Variants in BPNT1 observed in about 807,000 individuals in gnomAD.
BPNT1 encodes 3'(2'), 5'-bisphosphate nucleotidase 1.
Under a neutral mutation model 36.9 loss-of-function variants are expected in BPNT1, and 28 were observed. That is an observed-to-expected ratio of 0.76 (90% CI 0.56 to 1.04). The LOEUF is 1.04. Among genes scored for constraint, BPNT1 ranks in the 50% least tolerant of loss-of-function variants. The probability of loss-of-function intolerance (pLI) is 0.00; values close to 1 mark genes in which losing one functional copy is unlikely to be tolerated. For synonymous variants in BPNT1, 119 were observed against 130.9 expected (o/e 0.91, Z 0.62); for missense variants, 313 against 372.9 (o/e 0.84, Z 1.32).
At chr1:220,071,365 C>G (rs1180005540) in intron 4 of BPNT1, among the ~76,000 whole-genome samples, 1 of 152,162 alleles carries the variant, frequency 6.6e-6, no homozygotes, top group South Asian at 2.1e-4. Context: ...TATAAGGTAG[C>G]AACCTGTTTC....
chr1:220,073,490 C>T (rs1302516955), intron 3 of BPNT1, among the ~76,000 whole-genome samples: 1 of 152,072 alleles, frequency 6.6e-6, no homozygotes, highest in Non-Finnish European at 1.5e-5. Context: ...GGTTCAGTTT[C>T]ACCATGTTGG....
rs554622664 is a variant in BPNT1 at position 220,058,176 on chromosome 1, A to T, written c.*668T>A. On this transcript the variant is annotated 3_prime_UTR_variant, in exon 9 of 9. Transcript: ENST00000322067. ...AGGCTACAGAGCGAGACTCCGTCTC[A>T]GGAAAAAAAAAGAGAAATCTGGTTT... is the stretch of plus-strand genomic sequence containing the variant. 15 of 992,702 alleles carry T rather than the reference A, an allele frequency of 1.5e-5. No homozygotes were observed. The highest frequency in any genetic ancestry group is 1.8e-5 in the Non-Finnish European group (15 of 831,564). 61.5% of individuals were successfully genotyped at this position (992,702 alleles called of 1,614,324 possible). A position where few individuals can be genotyped will look rare whatever the true frequency, so the allele number is the denominator to read the frequency against.
chr1:220,078,543 T>TATTTATA (rs1553261911), intron 2 of BPNT1, among the ~76,000 whole-genome samples: 1 of 139,382 alleles, frequency 7.2e-6, no homozygotes, highest in Non-Finnish European at 1.5e-5. Context: ...ATTATATATA[T>TATTTATA]TATAATTATA....
chr1:220,066,005 G>T, intron 6 of BPNT1: 1 of 1,209,472 alleles, frequency 8.3e-7, no homozygotes, highest in South Asian at 1.5e-5. Context: ...TGACCACCTG[G>T]GGTACCACAA....
chr1:220,065,544 T>C (rs1269913164), intron 6 of BPNT1, among the ~76,000 whole-genome samples: 1 of 152,188 alleles, frequency 6.6e-6, no homozygotes, highest in Non-Finnish European at 1.5e-5. Flanking sequence ...TTTCTCTGGC[T>C]CAGGAGGGCA....
chr1:220,058,726 A>T lies in BPNT1; in HGVS notation c.*118T>A. On this transcript the variant is annotated 3_prime_UTR_variant, in exon 9 of 9. Coordinates refer to ENST00000322067, the MANE Select transcript of BPNT1 (RefSeq NM_006085.6). ...TGTATTTTTGTAGAGATGGGGTCTCACGATATTGCCCAGGCTGGTCTCAAA... is the reference window on the plus strand; with the variant it reads ...TGTATTTTTGTAGAGATGGGGTCTCTCGATATTGCCCAGGCTGGTCTCAAA... 1.9e-6 allele frequency: 2 copies of T among 1,038,814 alleles called. No individual in the cohort carries two copies. Among genetic ancestry groups the T allele is most frequent in the South Asian group, 3.0e-5 (2 of 67,414 alleles). The allele number at this position is 1,038,814 out of a possible 1,614,324, so 64.3% of individuals were successfully genotyped here. A position where few individuals can be genotyped will look rare whatever the true frequency, so the allele number is the denominator to read the frequency against.
chr1:220,081,372 G>A (rs1357002825), intron 1 of BPNT1, among the ~76,000 whole-genome samples: 3 of 151,980 alleles, frequency 2.0e-5, no homozygotes, highest in South Asian at 2.1e-4. Context: ...GTGAAACCTC[G>A]TCTCTACTAA....
Position 220,058,980 on chromosome 1 carries a change from TCG to T in BPNT1, c.789_790del (p.Asp264TyrfsTer28), listed in dbSNP as rs1662762606. The T allele has an allele frequency of 1.9e-6, 3 of 1,613,536 alleles. No individual in the cohort carries two copies. The highest frequency in any genetic ancestry group is 2.5e-6 in the Non-Finnish European group (3 of 1,179,726). On this transcript the variant is annotated frameshift_variant, in exon 9 of 9. Transcript: ENST00000322067. LOFTEE classifies it high-confidence loss of function. ...GTACTGAAGAACATTCCCATGGATATCGGTTAACTTGCCTATAGAAAAACATC... is the reference window on the plus strand; with the variant it reads ...GTACTGAAGAACATTCCCATGGATATGTTAACTTGCCTATAGAAAAACATC...
chr1:220,079,683 A>T, intron 2 of BPNT1, 44 bp downstream of exon 2: 1 of 1,611,258 alleles, frequency 6.2e-7, no homozygotes, highest in Non-Finnish European at 8.5e-7. Flanking sequence ...AAACCTCAAG[A>T]ACAAAAATCA....
In BPNT1 at chr1:220,066,051, A is replaced by G. The variant is rs540199825; in HGVS notation, c.474+1251T>C. On this transcript the variant is annotated intron_variant, in intron 6 of 8. Coordinates refer to ENST00000322067, the MANE Select transcript of BPNT1 (RefSeq NM_006085.6). Reference sequence around the variant, plus strand: ...TCTTTTCTACCTACTAGTGGAGCCAAAACCCTAGCTATTTTTCTCACCTTT... The same window carrying G: ...TCTTTTCTACCTACTAGTGGAGCCAGAACCCTAGCTATTTTTCTCACCTTT... 131 of 1,513,030 alleles carry G rather than the reference A, an allele frequency of 8.7e-5. No individual in the cohort carries two copies. The African/African-American group carries it at 1.6e-3, about 19-fold the overall frequency. The allele number at this position is 1,513,030 out of a possible 1,614,324, so 93.7% of individuals were successfully genotyped here. A position where few individuals can be genotyped will look rare whatever the true frequency, so the allele number is the denominator to read the frequency against.
chr1:220,059,486 C>T (rs958885274), intron 8 of BPNT1, among the ~76,000 whole-genome samples, 200 bp downstream of exon 8: 6 of 151,370 alleles, frequency 4.0e-5, no homozygotes, highest in Admixed American at 1.3e-4. Flanking sequence ...AAAAAAGAGA[C>T]GATAACTAAA....
chr1:220,079,009 A>C (rs1033466762), intron 2 of BPNT1, among the ~76,000 whole-genome samples: 1 of 152,164 alleles, frequency 6.6e-6, no homozygotes, highest in Non-Finnish European at 1.5e-5. Context: ...TACTGGGAAA[A>C]ACACGCTTGC....
chr1:220,067,655 T>C (rs2577152), intron 5 of BPNT1, among the ~76,000 whole-genome samples: 23,006 of 152,192 alleles, frequency 0.15, 1,893 homozygotes, highest in African/African-American at 0.2. Flanking sequence ...AGCCATAATT[T>C]TGCAGCCATC....
chr1:220,064,746 C>T (rs1229223393), intron 6 of BPNT1, among the ~76,000 whole-genome samples: 1 of 152,170 alleles, frequency 6.6e-6, no homozygotes, highest in Non-Finnish European at 1.5e-5. Flanking sequence ...AATGTGCTTC[C>T]TCTGTTCCCA....
chr1:220,062,662 A>G, intron 7 of BPNT1, 95 bp downstream of exon 7: 1 of 1,351,724 alleles, frequency 7.4e-7, no homozygotes, highest in Admixed American at 1.8e-5. Flanking sequence ...TATACCCAGT[A>G]ATGGGATGGC....
At chr1:220,079,882 G>A (rs1168585918) in intron 1 of BPNT1, 28 bp from the exon 2 acceptor site, 2 of 1,597,908 alleles carry the variant, frequency 1.3e-6, no homozygotes, top group African/African-American at 1.3e-5. Flanking sequence ...AAAATGTCTT[G>A]TTAGTTTCAA....
Position 220,072,933 on chromosome 1 carries a change from G to A in BPNT1, c.250C>T (p.Gln84Ter). Residue 84 changes from glutamine (Q) to a stop codon, truncating the protein, a stop_gained, in exon 4 of 9, where the codon CAA becomes TAA. Transcript: ENST00000322067. LOFTEE classifies it high-confidence loss of function. ...EEDLPSEEVDQELIEDSQWEE... is the reference protein window; with the variant it reads ...EEDLPSEEVD ...CACTGACTGTCTTCAATCAGCTCTT[G>A]ATCCACTTCCTCAGAAGGCAGATCC... 6.2e-7 allele frequency: 1 copy of A among 1,614,052 alleles called. No individual in the cohort carries two copies. The highest frequency in any genetic ancestry group is 1.1e-5 in the South Asian group (1 of 91,066).
Position 220,085,267 on chromosome 1 carries a change from C to T in BPNT1, c.-9+4419G>A, listed in dbSNP as rs191889332. On this transcript the variant is annotated intron_variant, in intron 1 of 8. Coordinates refer to ENST00000322067, the MANE Select transcript of BPNT1 (RefSeq NM_006085.6). ...AACTTTCTTAAAGCAGTTCAAATAA[C>T]ACCATTGTACTTCTTTCTCTACCAG... Among the ~76,000 whole-genome samples the T allele has an allele frequency of 2.6e-4, 40 of 152,298 alleles. 1 individual carries two copies. Among genetic ancestry groups the T allele is most frequent in the South Asian group, 2.1e-3 (10 of 4,830 alleles).
At position 220,059,776 on chromosome 1, in the gene BPNT1, C is replaced by A. The variant is rs571117694; in HGVS notation, c.688G>T (p.Glu230Ter). The A allele has an allele frequency of 1.9e-6, 3 of 1,601,724 alleles. No individual in the cohort carries two copies. In the South Asian group the frequency reaches 3.4e-5, roughly 18 times the overall value. Residue 230 changes from glutamate (E) to a stop codon, truncating the protein, a stop_gained, in exon 8 of 9, where the codon GAA becomes TAA. Transcript: ENST00000322067. LOFTEE classifies it high-confidence loss of function. ...AATACATAAGCAGAGGCTTTGCCTT[C>A]AATCAGCTGAATAATCTGTAAGGGT... ...GAGNKIIQLIEGKASAYVFAS... is the reference protein window; with the variant it reads ...GAGNKIIQLI
Sources: allele counts gnomAD v4.1 joint callset (sites outside exome capture counted in the v4.1 genomes callset), GRCh38; gene constraint gnomAD v4.1.1; transcripts MANE v1.5; gene names NCBI Gene and HGNC (gene_info 2026-07-23, HGNC 2026-07-21).